NFKB1: variants seen among roughly 807,000 people sequenced by gnomAD.
NFKB1 encodes the protein nuclear factor NF-kappa-B p105 subunit.
A neutral mutation model predicts 105.1 loss-of-function variants in NFKB1; 9 were observed. The ratio of observed to expected loss-of-function variants is 0.09; its 90% CI spans 0.05 to 0.15. The LOEUF is 0.15. Among genes scored for constraint, NFKB1 ranks in the 10% least tolerant of loss-of-function variants. The probability of loss-of-function intolerance (pLI) is 1.00; values close to 1 mark genes in which losing one functional copy is unlikely to be tolerated. For synonymous variants in NFKB1, 440 were observed against 442.2 expected, an observed-to-expected ratio of 1.00 and a Z score of 0.06; for missense variants, 830 against 1,203.7, an observed-to-expected ratio of 0.69 and a Z score of 4.59.
chr4:102,603,175 C>T (rs758255269), intron 16 of NFKB1, among the ~76,000 whole-genome samples: 4 of 152,012 alleles, frequency 2.6e-5, no homozygotes, highest in South Asian at 2.1e-4. Context: ...CAGGTTCAAG[C>T]GATTCTTCTG....
chr4:102,610,513 G>A (rs1435423076), intron 19 of NFKB1, 62 bp from the exon 20 acceptor site: 16 of 1,573,120 alleles, frequency 1.0e-5, no homozygotes, highest in Admixed American at 1.0e-4. Flanking sequence ...TCTGACCTTT[G>A]CAGGCAGTTG....
chr4:102,550,469 T>G (rs888363271), intron 5 of NFKB1, among the ~76,000 whole-genome samples: 1 of 152,170 alleles, frequency 6.6e-6, no homozygotes, highest in Non-Finnish European at 1.5e-5. Context: ...AATCCAACAC[T>G]GCAGGCTTCT....
Position 102,566,825 on chromosome 4 carries a change from A to T in NFKB1, c.259-162A>T, listed in dbSNP as rs2293970. On this transcript the variant is annotated intron_variant, in intron 5 of 23. Transcript: ENST00000226574. ...CATTTTCATTTACTTCCACCCTGTC[A>T]TTTGTTCATCACATACTTTTAAAAA... 0.056 allele frequency among the ~76,000 whole-genome samples: 8,587 copies of T among 152,238 alleles called. 270 individuals are homozygous for T. Among genetic ancestry groups the T allele is most frequent in the African/African-American group, 0.088 (3,643 of 41,530 alleles).
chr4:102,532,754 G>GA (rs1741382110), intron 3 of NFKB1, among the ~76,000 whole-genome samples: 1 of 152,176 alleles, frequency 6.6e-6, no homozygotes, highest in Non-Finnish European at 1.5e-5. Context: ...CTTTCTGAGA[G>GA]AAAATGAAGA....
At chr4:102,607,612 C>G (rs758687169) in intron 18 of NFKB1, 37 bp from the exon 19 acceptor site, 1 of 1,600,748 alleles carries the variant, frequency 6.2e-7, no homozygotes, top group Admixed American at 1.7e-5. Flanking sequence ...GCAAAAGAAC[C>G]TTCCACTAAC....
chr4:102,607,535 C>T, intron 18 of NFKB1, 114 bp from the exon 19 acceptor site: 1 of 1,234,520 alleles, frequency 8.1e-7, no homozygotes, highest in Non-Finnish European at 1.2e-6. Flanking sequence ...AGAGCCAGCC[C>T]AAAGTAGCAA....
chr4:102,513,886 A>C (rs1739938939), intron 1 of NFKB1, among the ~76,000 whole-genome samples: 1 of 151,732 alleles, frequency 6.6e-6, no homozygotes. Flanking sequence ...AATAATGTGG[A>C]CTCTGGGCCG....
rs1741025409 is a variant in NFKB1 at position 102,527,845 on chromosome 4, T to C, written c.40-1991T>C. On this transcript the variant is annotated intron_variant, in intron 2 of 23. Transcript: ENST00000226574. ...TCCTGTCTGTACACAGGAAATCTTA[T>C]CAACAAGAGATGATTCTTTATGCCA... 2.0e-5 allele frequency among the ~76,000 whole-genome samples: 3 copies of C among 152,172 alleles called. No homozygotes were observed. In the South Asian group the frequency reaches 6.2e-4, roughly 31 times the overall value.
chr4:102,614,004 T>C (rs1728693350), intron 23 of NFKB1, among the ~76,000 whole-genome samples: 1 of 152,136 alleles, frequency 6.6e-6, no homozygotes, highest in Non-Finnish European at 1.5e-5. Flanking sequence ...CTCGCAACCA[T>C]ATGAAATGGA....
At chr4:102,616,384 T>G in intron 23 of NFKB1, 50 bp from the exon 24 acceptor site, 2 of 1,601,010 alleles carry the variant, frequency 1.2e-6, no homozygotes, top group African/African-American at 1.3e-5. Context: ...GTCCATGAGC[T>G]TTTTAGAGCC....
At chr4:102,554,294 A>T (rs993328580) in intron 5 of NFKB1, among the ~76,000 whole-genome samples, 3 of 152,230 alleles carry the variant, frequency 2.0e-5, no homozygotes, top group Non-Finnish European at 2.9e-5. Flanking sequence ...CTAGGCCTGT[A>T]AATAAATAAA....
chr4:102,564,243 G>A (rs1266773834), intron 5 of NFKB1, among the ~76,000 whole-genome samples: 1 of 152,182 alleles, frequency 6.6e-6, no homozygotes, highest in Non-Finnish European at 1.5e-5. Context: ...GTAAAAGGGA[G>A]ACTGAATAAA....
rs1739034144 is a variant in NFKB1 at position 102,501,713 on chromosome 4, C to G, written c.-83C>G. The G allele has an allele frequency of 6.6e-6, 1 of 152,362 alleles. No individual in the cohort carries two copies. Among genetic ancestry groups the G allele is most frequent in the Non-Finnish European group, 1.5e-5 (1 of 68,320 alleles). The allele number at this position is 152,362 out of a possible 1,614,324, so 9.4% of individuals were successfully genotyped here. The stretch of plus-strand genomic sequence containing the variant: ...CGGCCTGCCGCCGCCTCTTCCTTCT[C>G]CAGCCGGCAGGCCCGCGCCGCTTAG... On this transcript the variant is annotated 5_prime_UTR_variant, in exon 1 of 24. Coordinates refer to ENST00000226574, the MANE Select transcript of NFKB1 (RefSeq NM_003998.4).
At chr4:102,507,017 A>T (rs900984847) in intron 1 of NFKB1, among the ~76,000 whole-genome samples, 1 of 147,454 alleles carries the variant, frequency 6.8e-6, no homozygotes, top group Non-Finnish European at 1.5e-5. Flanking sequence ...GTATAAATAC[A>T]TATTTGTAAC....
rs1377309694 is a variant in NFKB1, at chr4:102,537,873, C to T, written c.175C>T (p.Arg59Cys). 1 of 1,608,440 alleles carries T rather than the reference C, an allele frequency of 6.2e-7. No individual in the cohort carries two copies. The highest frequency in any genetic ancestry group is 8.5e-7 in the Non-Finnish European group (1 of 1,175,578). ...EQPKQRGFRF[R>C]YVCEGPSHGG... ...ACCTTTGCAGAGAGGATTTCGTTTC[C>T]GTTATGTATGTGAAGGCCCATCCCA... Residue 59 changes from arginine (R) to cysteine (C), a missense_variant, in exon 5 of 24, where the codon CGT (arginine) becomes TGT (cysteine). By Grantham distance (180) the Arg-to-Cys change is radical (BLOSUM62 -3). This residue lies in a region of NFKB1 where 15 missense variants were observed against 45.9 expected (regional missense o/e 0.33). Coordinates refer to ENST00000226574, the MANE Select transcript of NFKB1 (RefSeq NM_003998.4).
intron 1 of NFKB1, among the ~76,000 whole-genome samples, chr4:102,521,862 T>C (rs1038338739): frequency 1.1e-4 from 16 of 152,252 alleles, no homozygotes; most frequent in African/African-American, 3.4e-4. Context: ...TGTAACATTA[T>C]GTTTTTCATG....
chr4:102,560,565 G>A (rs1723339395), intron 5 of NFKB1, among the ~76,000 whole-genome samples: 1 of 151,782 alleles, frequency 6.6e-6, no homozygotes, highest in Admixed American at 6.6e-5. Flanking sequence ...AGTACTACCA[G>A]GAAAAGAAAA....
At chr4:102,525,431 C>A in intron 1 of NFKB1, 81 bp from the exon 2 acceptor site, 1 of 1,345,902 alleles carries the variant, frequency 7.4e-7, no homozygotes, top group Non-Finnish European at 1.1e-6. Context: ...ACAGTTTATT[C>A]CTGCATGAAT....
At position 102,602,651 on chromosome 4, in the gene NFKB1, C is replaced by T. The variant is rs1167900162; in HGVS notation, c.1752+1642C>T. ...TGACTAGGTAAAAATTAATAGGTTT[C>T]CTGATAGGGGAAAATGACCATTTTT... On this transcript the variant is annotated intron_variant, in intron 16 of 23. Transcript: ENST00000226574. 2.0e-5 allele frequency among the ~76,000 whole-genome samples: 3 copies of T among 152,084 alleles called. No individual in the cohort carries two copies. In the East Asian group the frequency reaches 5.8e-4, roughly 29 times the overall value.
Sources: gnomAD v4.1 joint callset for allele counts (sites outside exome capture counted in the v4.1 genomes callset) on GRCh38, gnomAD v4.1.1 for gene constraint, gnomAD v4.1.1 regional missense constraint, MANE v1.5 for transcripts, NCBI Gene and HGNC (gene_info 2026-07-23, HGNC 2026-07-21) for gene names.